The following CADM2 variants were observed in gnomAD, a reference collection of about 807,000 sequenced individuals.
The protein encoded by CADM2 is immunoglobulin superfamily member 4D.
In CADM2, 12 loss-of-function variants were observed where a neutral mutation model predicts 49.8. The observed-to-expected ratio is 0.24, with a 90% confidence interval of 0.15 to 0.39. The LOEUF is 0.39. CADM2 is among the 10% of genes least tolerant of loss of function. The pLI is 1.00. For synonymous variants in CADM2, 214 were observed against 175.4 expected, an observed-to-expected ratio of 1.22 and a Z score of -1.74; for missense variants, 378 against 492.3, an observed-to-expected ratio of 0.77 and a Z score of 2.20.
chr3:85,863,247 G>A (rs2075603487), intron 3 of CADM2, among the ~76,000 whole-genome samples: 1 of 152,112 alleles, frequency 6.6e-6, no homozygotes, highest in Admixed American at 6.6e-5. Flanking sequence ...AGATGAGGAA[G>A]TTGAAAGGGA....
chr3:85,586,774 G>A (rs1320877130), intron 1 of CADM2, among the ~76,000 whole-genome samples: 1 of 152,082 alleles, frequency 6.6e-6, no homozygotes, highest in Non-Finnish European at 1.5e-5. Context: ...CCAATGTCAA[G>A]TATCATCTCT....
intron 3 of CADM2, among the ~76,000 whole-genome samples, chr3:85,877,666 G>T (rs1391752134): frequency 2.1e-5 from 3 of 145,144 alleles, no homozygotes; most frequent in Non-Finnish European, 4.5e-5. Flanking sequence ...TGTCTAAATG[G>T]AACATTTTTT....
At chr3:85,271,617 A>G (rs536806281) in intron 1 of CADM2, among the ~76,000 whole-genome samples, 10 of 151,278 alleles carry the variant, frequency 6.6e-5, no homozygotes, top group African/African-American at 2.4e-4. Flanking sequence ...TCCTGCCTCT[A>G]TCTCTAATTT....
intron 1 of CADM2, among the ~76,000 whole-genome samples, chr3:85,577,217 T>C (rs2062655753): frequency 6.6e-6 from 1 of 152,170 alleles, no homozygotes; most frequent in Admixed American, 6.5e-5. Flanking sequence ...CATTTAAGGA[T>C]GCTATGATTT....
In CADM2 at chr3:85,480,280, GTTTGT is replaced by G. The variant is rs1193117157; in HGVS notation, c.62-246238_62-246234del. 2.0e-5 allele frequency among the ~76,000 whole-genome samples: 3 copies of G among 151,692 alleles called. No individual in the cohort carries two copies. In the Admixed American group the frequency reaches 2.0e-4, roughly 10 times the overall value. On this transcript the variant is annotated intron_variant, in intron 1 of 9. Transcript: ENST00000383699. Reference sequence around the variant, plus strand: ...AGATTTTCCATAAGCTCCATAAGTTGTTTGTTTTATCAACCATATTGTTTTCATTA... The same window carrying G: ...AGATTTTCCATAAGCTCCATAAGTTGTTTATCAACCATATTGTTTTCATTA...
At chr3:85,559,205 T>C (rs1381386554) in intron 1 of CADM2, among the ~76,000 whole-genome samples, 2 of 152,256 alleles carry the variant, frequency 1.3e-5, no homozygotes, top group East Asian at 1.9e-4. Flanking sequence ...ACATTAAATA[T>C]AAGCATATTT....
At chr3:85,470,094 C>T (rs1230386314) in intron 1 of CADM2, among the ~76,000 whole-genome samples, 1 of 152,064 alleles carries the variant, frequency 6.6e-6, no homozygotes, top group Admixed American at 6.6e-5. Flanking sequence ...ATTTGATTTA[C>T]CTTCAGGTGT....
In CADM2 at chr3:85,525,167, A is replaced by C. The variant is rs142118443; in HGVS notation, c.62-201355A>C. ...GCTTAAAGTATAGTAAAAAATTAAA[A>C]AATAAAACATAAAGTTTTACATATT... is the stretch of plus-strand genomic sequence containing the variant. On this transcript the variant is annotated intron_variant, in intron 1 of 9. Transcript: ENST00000383699. Among the ~76,000 whole-genome samples the C allele has an allele frequency of 9.1e-3, 1,380 of 152,348 alleles. 8 individuals are homozygous for C. The highest frequency in any genetic ancestry group is 0.015 in the Non-Finnish European group (1,024 of 68,034).
chr3:85,495,743 G>T (rs2039860658), intron 1 of CADM2, among the ~76,000 whole-genome samples: 2 of 151,922 alleles, frequency 1.3e-5, no homozygotes, highest in South Asian at 4.2e-4. Flanking sequence ...CATGTCACAT[G>T]GCAAGAGTAA....
chr3:85,100,668 A>C (rs7648199), intron 1 of CADM2, among the ~76,000 whole-genome samples: 20,107 of 152,104 alleles, frequency 0.13, 3,038 homozygotes, highest in African/African-American at 0.37. Flanking sequence ...ATATTCTAAA[A>C]AACGAGGAGA....
intron 1 of CADM2, among the ~76,000 whole-genome samples, chr3:85,074,598 A>G (rs541709902): frequency 1.3e-5 from 2 of 152,228 alleles, no homozygotes; most frequent in East Asian, 3.9e-4. Context: ...CTGTTGAATT[A>G]ATAATTAAAT....
chr3:85,243,298 A>G (rs72917112), intron 1 of CADM2, among the ~76,000 whole-genome samples: 10,061 of 151,932 alleles, frequency 0.066, 1,095 homozygotes, highest in African/African-American at 0.23. Flanking sequence ...GTATCGTTCA[A>G]TGAAAAACAG....
chr3:85,794,029 G>A lies in CADM2; in HGVS notation c.89-8018G>A, dbSNP rs150870074. ...AGGTGCATAAATATGGCATAGTCCT[G>A]TCATTTCAGGTCTTATTTTAGGGGT... On this transcript the variant is annotated intron_variant, in intron 2 of 9. Transcript: ENST00000383699. Among the ~76,000 whole-genome samples, 22 of 152,204 alleles carry A rather than the reference G, an allele frequency of 1.4e-4. No individual in the cohort carries two copies. In the East Asian group the frequency reaches 4.3e-3, roughly 29 times the overall value.
intron 1 of CADM2, among the ~76,000 whole-genome samples, chr3:85,359,666 A>ATATATTTTTTTTTTT: frequency 1.5e-4 from 4 of 26,556 alleles, no homozygotes; most frequent in East Asian, 1.3e-3. Context: ...ATATATATAT[A>ATATATTTTTTTTTTT]TTTTTTTTTT....
intron 1 of CADM2, among the ~76,000 whole-genome samples, chr3:85,581,981 C>T (rs574970297): frequency 2.6e-5 from 4 of 152,102 alleles, no homozygotes; most frequent in Non-Finnish European, 5.9e-5. Flanking sequence ...GGGTGGAGTG[C>T]AGTGGTGTGA....
intron 1 of CADM2, among the ~76,000 whole-genome samples, chr3:85,089,286 A>G (rs1026552967): frequency 2.6e-5 from 4 of 152,104 alleles, no homozygotes; most frequent in African/African-American, 9.7e-5. Flanking sequence ...TTGGCATTAA[A>G]TTCACTTCTC....
At chr3:85,637,795 T>C (rs1476101578) in intron 1 of CADM2, among the ~76,000 whole-genome samples, 2 of 151,944 alleles carry the variant, frequency 1.3e-5, no homozygotes, top group African/African-American at 4.8e-5. Context: ...ACCCATAATG[T>C]CCCTACCATT....
intron 1 of CADM2, among the ~76,000 whole-genome samples, chr3:85,459,961 G>A (rs530441647): frequency 1.6e-4 from 24 of 152,212 alleles, no homozygotes; most frequent in African/African-American, 5.8e-4. Context: ...GAGTAAAAAA[G>A]ATTAACATAT....
intron 2 of CADM2, among the ~76,000 whole-genome samples, chr3:85,741,064 A>G (rs575915586): frequency 2.0e-5 from 3 of 152,278 alleles, no homozygotes; most frequent in East Asian, 3.9e-4. Context: ...GATACATAGC[A>G]GTTAACATAA....
Sources: gnomAD v4.1 joint callset for allele counts (sites outside exome capture counted in the v4.1 genomes callset) on GRCh38, gnomAD v4.1.1 for gene constraint, MANE v1.5 for transcripts, NCBI Gene and HGNC (gene_info 2026-07-23, HGNC 2026-07-21) for gene names.